The following RANBP2 variants were observed in gnomAD, a reference collection of about 807,000 sequenced individuals.
RANBP2 encodes RAN binding protein 2.
RANBP2 carries 57 observed loss-of-function variants against 303.6 expected under a neutral mutation model. That is an observed-to-expected ratio of 0.19 (90% CI 0.15 to 0.23). The LOEUF is 0.23. Among genes scored for constraint, RANBP2 ranks in the 10% least tolerant of loss-of-function variants. The pLI is 1.00. For missense variants in RANBP2, 3,138 were observed against 3,780.8 expected, an observed-to-expected ratio of 0.83 and a Z score of 4.46; for synonymous variants, 1,167 against 1,301.5, an observed-to-expected ratio of 0.90 and a Z score of 2.23.
At chr2:108,937,003 G>A in the RANBP2 span, among the ~76,000 whole-genome samples, 1 of 152,216 alleles carries the variant, frequency 6.6e-6, no homozygotes, top group Non-Finnish European at 1.5e-5. Flanking sequence ...GGCCAGGCAG[G>A]GGAGGCCCCC....
intron 6 of RANBP2, among the ~76,000 whole-genome samples, chr2:108,737,610 G>A (rs1452572996): frequency 6.8e-6 from 1 of 147,492 alleles, no homozygotes; most frequent in Non-Finnish European, 1.5e-5. Flanking sequence ...ATGCAGTGGT[G>A]CAGTCTCGGC....
chr2:108,772,022 A>G lies in RANBP2; in HGVS notation c.8020+151A>G, dbSNP rs112190385. 3.8e-6 allele frequency: 4 copies of G among 1,047,102 alleles called. No individual in the cohort carries two copies. The African/African-American group carries it at 6.3e-5, about 17-fold the overall frequency. 64.9% of individuals were successfully genotyped at this position (1,047,102 alleles called of 1,614,324 possible). On this transcript the variant is annotated intron_variant, in intron 21 of 28. Transcript: ENST00000283195. Reference sequence around the variant, plus strand: ...ACCCTAAATGTATGTGTAAATGGTCAATGGATATAGTGATCAAAAGGACTG... The same window carrying G: ...ACCCTAAATGTATGTGTAAATGGTCGATGGATATAGTGATCAAAAGGACTG...
intron 1 of RANBP2, among the ~76,000 whole-genome samples, chr2:108,720,871 C>A (rs1694178572): frequency 6.6e-6 from 1 of 152,212 alleles, no homozygotes; most frequent in African/African-American, 2.4e-5. Context: ...CATGTTGATA[C>A]CTCGTCTCTA....
chr2:108,826,946 G>A, the RANBP2 span, among the ~76,000 whole-genome samples: 1 of 152,030 alleles, frequency 6.6e-6, no homozygotes, highest in African/African-American at 2.4e-5. Flanking sequence ...CAGGGTATAA[G>A]TTTTGTACTT....
the RANBP2 span, among the ~76,000 whole-genome samples, chr2:109,383,255 A>C: frequency 6.6e-6 from 1 of 152,242 alleles, no homozygotes; most frequent in African/African-American, 2.4e-5. Context: ...TTGGTACAGA[A>C]GAAACCATGT....
chr2:108,787,480 ACG>A (rs1679073828), downstream of RANBP2, among the ~76,000 whole-genome samples: 2 of 152,164 alleles, frequency 1.3e-5, no homozygotes, highest in African/African-American at 2.4e-5. Flanking sequence ...AAGCATAAGG[ACG>A]TTGTCTTTTA....
the RANBP2 span, among the ~76,000 whole-genome samples, chr2:108,938,934 C>A: frequency 6.6e-6 from 1 of 151,958 alleles, no homozygotes; most frequent in Non-Finnish European, 1.5e-5. Flanking sequence ...CACCCGCCAC[C>A]ACATCCAACT....
At chr2:109,614,094 GAGCGTC>G in the RANBP2 span, 1 of 1,210,660 alleles carries the variant, frequency 8.3e-7, no homozygotes, top group Non-Finnish European at 1.0e-6. Flanking sequence ...CCTGAGGACT[GAGCGTC>G]AGCGTTGGGG....
At chr2:109,410,201 C>T in the RANBP2 span, among the ~76,000 whole-genome samples, 3 of 152,242 alleles carry the variant, frequency 2.0e-5, no homozygotes, top group Non-Finnish European at 2.9e-5. Context: ...CCATTGCTGA[C>T]ACCAGGCTTC....
At chr2:108,738,566 T>G (rs1337983473) in intron 6 of RANBP2, among the ~76,000 whole-genome samples, 1 of 151,764 alleles carries the variant, frequency 6.6e-6, no homozygotes, top group Admixed American at 6.6e-5. Flanking sequence ...CATTAGAAAT[T>G]AAAACAAAAA....
the RANBP2 span, among the ~76,000 whole-genome samples, chr2:108,931,571 G>C: frequency 5.9e-5 from 9 of 152,212 alleles, no homozygotes; most frequent in Non-Finnish European, 1.3e-4. Flanking sequence ...GATAGTGGGA[G>C]CCCAGAGAGG....
chr2:109,254,417 TG>T, the RANBP2 span, among the ~76,000 whole-genome samples: 1 of 152,082 alleles, frequency 6.6e-6, no homozygotes, highest in Admixed American at 6.5e-5. Context: ...ATTGGACTGT[TG>T]GGGAGGTTAA....
the RANBP2 span, among the ~76,000 whole-genome samples, chr2:109,621,309 C>T: frequency 2.0e-4 from 30 of 151,896 alleles, no homozygotes; most frequent in Non-Finnish European, 3.7e-4. Context: ...CGCGCCACTA[C>T]GCCCAGATAA....
chr2:108,745,941 C>A (rs1033902579), intron 7 of RANBP2, among the ~76,000 whole-genome samples: 5 of 147,528 alleles, frequency 3.4e-5, no homozygotes, highest in African/African-American at 1.3e-4. Flanking sequence ...GGGTCTCACT[C>A]TGTCGCCCAA....
the RANBP2 span, among the ~76,000 whole-genome samples, chr2:109,374,604 G>A: frequency 2.2e-3 from 328 of 152,266 alleles, no homozygotes; most frequent in African/African-American, 7.2e-3. Flanking sequence ...TACTGCACAG[G>A]CAGCCGGCAC....
the RANBP2 span, chr2:109,129,744 C>G: frequency 1.9e-5 from 29 of 1,539,402 alleles, no homozygotes; most frequent in African/African-American, 3.7e-4. Context: ...ACACCACGGC[C>G]AAGGTGCTGC....
At chr2:109,380,532 T>C in the RANBP2 span, among the ~76,000 whole-genome samples, 1 of 152,198 alleles carries the variant, frequency 6.6e-6, no homozygotes, top group Non-Finnish European at 1.5e-5. Flanking sequence ...GCAGTTCTTG[T>C]ATATCTGTGG....
chr2:109,312,112 C>T, the RANBP2 span, among the ~76,000 whole-genome samples: 5 of 152,128 alleles, frequency 3.3e-5, no homozygotes, highest in Middle Eastern at 3.2e-3. Flanking sequence ...ATTGTTAGTT[C>T]AAAAGTATGT....
the RANBP2 span, chr2:108,930,979 C>G: frequency 3.1e-6 from 5 of 1,613,974 alleles, no homozygotes; most frequent in Non-Finnish European, 4.2e-6. Flanking sequence ...GGACGGGGAG[C>G]CAGGGCGTCT....
Sources: gnomAD v4.1 joint callset for allele counts (sites outside exome capture counted in the v4.1 genomes callset) on GRCh38, gnomAD v4.1.1 for gene constraint, MANE v1.5 for transcripts, NCBI Gene and HGNC (gene_info 2026-07-23, HGNC 2026-07-21) for gene names.